The following RUFY1 variants were observed in gnomAD, a reference collection of about 807,000 sequenced individuals.
The protein encoded by RUFY1 is RUN and FYVE domain containing 1, also known as RUN and FYVE domain-containing protein 1.
RUFY1 carries 54 observed loss-of-function variants against 94.6 expected under a neutral mutation model. The ratio of observed to expected loss-of-function variants is 0.57; its 90% CI spans 0.46 to 0.72. The LOEUF is 0.72. RUFY1 is among the 30% of genes least tolerant of loss of function. The pLI is 0.00. For synonymous variants in RUFY1, 396 were observed against 347.3 expected (o/e 1.14, Z -1.56); for missense variants, 883 against 883.9 (o/e 1.00, Z 0.01).
chr5:179,580,246 T>TATATA (rs1554118967), intron 6 of RUFY1, among the ~76,000 whole-genome samples: 7,866 of 104,128 alleles, frequency 0.076, 526 homozygotes, highest in African/African-American at 0.12. Flanking sequence ...TGTGTGTATA[T>TATATA]TTTTTTTTTT....
rs560522543 is a variant in RUFY1, at chr5:179,574,605, A to C, written c.829-2470A>C. 1.8e-4 allele frequency among the ~76,000 whole-genome samples: 27 copies of C among 152,276 alleles called. 1 individual carries two copies. The highest frequency in any genetic ancestry group is 1.8e-3 in the Admixed American group (27 of 15,294). On this transcript the variant is annotated intron_variant, in intron 5 of 17. Coordinates refer to ENST00000319449, the MANE Select transcript of RUFY1 (RefSeq NM_025158.5). ...TTTTGATCAATTTATTGGTTTCCTA[A>C]GTCTTAAGACAATTTTTAAAGTCAT...
chr5:179,602,239 TC>T (rs140177401), intron 15 of RUFY1: 46,991 of 468,342 alleles, frequency 0.1, 2,488 homozygotes, highest in Middle Eastern at 0.13. Flanking sequence ...ACCAGGACAC[TC>T]CTATTCCTTA....
rs1763951169 is a variant in RUFY1 at position 179,579,661 on chromosome 5, T to C, written c.891-1286T>C. ...AAAATATACCCTTTTCTTCTTCTTT[T>C]TTTTTTTTTTTTTTTTTTGAGATGG... On this transcript the variant is annotated intron_variant, in intron 6 of 17. Transcript: ENST00000319449. Among the ~76,000 whole-genome samples the C allele has an allele frequency of 1.1e-4, 9 of 83,254 alleles. 1 individual carries two copies. The highest frequency in any genetic ancestry group is 4.2e-4 in the African/African-American group (8 of 18,970). 54.6% of individuals were successfully genotyped at this position (83,254 alleles called of 152,430 possible). A position where few individuals can be genotyped will look rare whatever the true frequency, so the allele number is the denominator to read the frequency against.
At chr5:179,586,507 C>T in intron 8 of RUFY1, 1 of 453,000 alleles carries the variant, frequency 2.2e-6, no homozygotes, top group South Asian at 1.6e-5. Flanking sequence ...GGCCTCCCAC[C>T]TAGAAGGACA....
Position 179,609,589 on chromosome 5 carries a change from T to G in RUFY1, c.*70T>G, listed in dbSNP as rs1435218308. 1 of 1,381,784 alleles carries G rather than the reference T, an allele frequency of 7.2e-7. No individual in the cohort carries two copies. The highest frequency in any genetic ancestry group is 9.6e-7 in the Non-Finnish European group (1 of 1,037,626). 85.6% of individuals were successfully genotyped at this position (1,381,784 alleles called of 1,614,324 possible). On this transcript the variant is annotated 3_prime_UTR_variant, in exon 18 of 18. Transcript: ENST00000319449. Reference sequence around the variant, plus strand: ...TGTGGGTCTCCAGGGGCTTGGGAAATGTGTTCTTTCCCAAGAGTATCAAAG... The same window carrying G: ...TGTGGGTCTCCAGGGGCTTGGGAAAGGTGTTCTTTCCCAAGAGTATCAAAG...
rs750333422 is a variant in RUFY1, at chr5:179,594,962, A to G, written c.1510A>G (p.Arg504Gly). The stretch of plus-strand genomic sequence containing the variant: ...GTCCAGCATGAAACAAATGGAAGAA[A>G]GGTAATCACTTCCCCCTGGCAGATA... ...VMSSMKQMEE[R>G]LQHSERARQG... Residue 504 changes from arginine (R) to glycine (G), a missense_variant and splice_region_variant, in exon 12 of 18, where the codon AGG (arginine) becomes GGG (glycine). By Grantham distance (125) the Arg-to-Gly change is moderately radical. Coordinates refer to ENST00000319449, the MANE Select transcript of RUFY1 (RefSeq NM_025158.5). The G allele has an allele frequency of 1.3e-6, 2 of 1,598,058 alleles. No individual in the cohort carries two copies. Among genetic ancestry groups the G allele is most frequent in the African/African-American group, 1.3e-5 (1 of 74,664 alleles).
chr5:179,593,830 G>A (rs1765308309), intron 11 of RUFY1, among the ~76,000 whole-genome samples, 185 bp downstream of exon 11: 1 of 152,188 alleles, frequency 6.6e-6, no homozygotes, highest in Non-Finnish European at 1.5e-5. Flanking sequence ...AAATGTAAGT[G>A]ACAAGGCAGA....
At chr5:179,582,637 G>A (rs1266151857) in intron 7 of RUFY1, among the ~76,000 whole-genome samples, 2 of 152,076 alleles carry the variant, frequency 1.3e-5, no homozygotes, top group African/African-American at 4.8e-5. Flanking sequence ...TGGATTACCT[G>A]AGGTTGGGAG....
intron 12 of RUFY1, 107 bp downstream of exon 12, chr5:179,595,070 C>T (rs993287061): frequency 1.2e-5 from 9 of 758,838 alleles, no homozygotes; most frequent in African/African-American, 8.7e-5. Flanking sequence ...AGGCTGGGCG[C>T]GGTGGCTCAC....
chr5:179,584,915 C>G (rs1025602294), intron 7 of RUFY1, among the ~76,000 whole-genome samples: 4 of 151,880 alleles, frequency 2.6e-5, no homozygotes, highest in African/African-American at 9.7e-5. Flanking sequence ...GCAGGCAGAT[C>G]ACGAGGTCAG....
intron 14 of RUFY1, among the ~76,000 whole-genome samples, chr5:179,601,421 G>C (rs1309724487): frequency 6.6e-6 from 1 of 151,882 alleles, no homozygotes; most frequent in African/African-American, 2.4e-5. Context: ...CACCTGTCTT[G>C]GCCTCCCAAA....
chr5:179,551,312 G>A (rs1420734305), intron 1 of RUFY1, among the ~76,000 whole-genome samples: 1 of 152,238 alleles, frequency 6.6e-6, no homozygotes, highest in Non-Finnish European at 1.5e-5. Context: ...CTGTGAGATG[G>A]GGATTTTAAA....
At chr5:179,563,774 C>G (rs1005479282) in intron 3 of RUFY1, among the ~76,000 whole-genome samples, 4 of 152,040 alleles carry the variant, frequency 2.6e-5, no homozygotes, top group African/African-American at 4.8e-5. Flanking sequence ...TAGGTTCAAG[C>G]GATTCTCATG....
rs778379774 is a variant in RUFY1 at position 179,607,634 on chromosome 5, A to G, written c.1958A>G (p.Lys653Arg). 1.5e-5 allele frequency: 25 copies of G among 1,614,092 alleles called. No homozygotes were observed. The Admixed American group carries it at 3.5e-4, about 23-fold the overall frequency. ...DEATHCRQCE[K>R]EFSISRRKHH... ...GCGACACACTGTAGGCAGTGTGAGA[A>G]GGAGTTCTCCATTTCCCGGAGAAAG... Residue 653 changes from lysine (K) to arginine (R), a missense_variant, in exon 17 of 18, where the codon AAG (lysine) becomes AGG (arginine). Physicochemically the swap from Lys to Arg is conservative, Grantham distance 26. Coordinates refer to ENST00000319449, the MANE Select transcript of RUFY1 (RefSeq NM_025158.5).
In RUFY1 at chr5:179,596,676, G is replaced by C; in HGVS notation, c.1626G>C (p.Glu542Asp). The change falls in exon 13 of 18, where the codon GAG becomes GAC. Residue 542 changes from glutamate (E) to aspartate (D), a missense_variant. Glu to Asp is a conservative substitution (Grantham distance 45). Transcript: ENST00000319449. Reference protein sequence around the residue: ...ALQLQLSQLHEQCSSLEKELK... With the variant: ...ALQLQLSQLHDQCSSLEKELK... ...AGCTGCAGCTCTCCCAGCTGCACGAGCAATGGTAGGGGCCCTGCAGGGAGC... is the reference window on the plus strand; with the variant it reads ...AGCTGCAGCTCTCCCAGCTGCACGACCAATGGTAGGGGCCCTGCAGGGAGC... The C allele has an allele frequency of 6.3e-7, 1 of 1,599,802 alleles. No homozygotes were observed. The highest frequency in any genetic ancestry group is 8.5e-7 in the Non-Finnish European group (1 of 1,174,514).
At chr5:179,556,568 T>C (rs959604590) in intron 1 of RUFY1, among the ~76,000 whole-genome samples, 28 of 151,954 alleles carry the variant, frequency 1.8e-4, no homozygotes, top group Admixed American at 6.6e-5. Flanking sequence ...TGGCGCAATC[T>C]CGGCTCACTG....
At position 179,569,335 on chromosome 5, in the gene RUFY1, G is replaced by A. The variant is rs561369653; in HGVS notation, c.738G>A (p.Glu246=). 234 of 1,613,840 alleles carry A rather than the reference G, an allele frequency of 1.4e-4. 5 individuals are homozygous for A. The South Asian group carries it at 2.5e-3, about 17-fold the overall frequency. The change falls in exon 5 of 18, where the codon GAG becomes GAA. Residue 246 remains glutamate (E), a synonymous_variant. Transcript: ENST00000319449. ...EFYEPEALMM[E]EEGMVIVGLL... ...ATGAGCCTGAGGCTTTAATGATGGA[G>A]GAAGAAGGGATGGTGATTGTTGGTC...
chr5:179,580,380 CT>C (rs1764049166), intron 6 of RUFY1, among the ~76,000 whole-genome samples: 2 of 151,462 alleles, frequency 1.3e-5, no homozygotes, highest in African/African-American at 4.8e-5. Context: ...GGAGCTGGGA[CT>C]ACAGGCGCCC....
intron 4 of RUFY1, chr5:179,569,049 G>T: frequency 1.0e-6 from 1 of 985,320 alleles, no homozygotes; most frequent in Non-Finnish European, 1.2e-6. Flanking sequence ...GAGAACTGGG[G>T]TCCAGGGTCT....
Sources: allele counts gnomAD v4.1 joint callset (sites outside exome capture counted in the v4.1 genomes callset), GRCh38; gene constraint gnomAD v4.1.1; transcripts MANE v1.5; gene names NCBI Gene and HGNC (gene_info 2026-07-23, HGNC 2026-07-21).